ADRM1: variants seen among roughly 807,000 people sequenced by gnomAD.
ADRM1 encodes the protein ADRM1 26S proteasome ubiquitin receptor.
In ADRM1, 2 loss-of-function variants were observed where a neutral mutation model predicts 40.1. That is an observed-to-expected ratio of 0.05 (90% CI 0.02 to 0.16). The LOEUF (loss-of-function observed/expected upper bound fraction) is 0.16, where lower values mean the gene tolerates loss of function less well. ADRM1 is among the 10% of genes least tolerant of loss of function. The pLI is 1.00. For missense variants in ADRM1, 467 were observed against 552.5 expected (o/e 0.85, Z 1.55); for synonymous variants, 287 against 240.4 (o/e 1.19, Z -1.79).
chr20:62,308,531 C>T, intron 9 of ADRM1, 61 bp downstream of exon 9: 1 of 1,561,472 alleles, frequency 6.4e-7, no homozygotes. Flanking sequence ...TCCTGTCCCC[C>T]TGGATCTGCA....
chr20:62,304,414 A>G, intron 2 of ADRM1, 47 bp from the exon 3 acceptor site: 1 of 1,528,000 alleles, frequency 6.5e-7, no homozygotes, highest in Non-Finnish European at 9.0e-7. Flanking sequence ...GACTGGGCAC[A>G]GTGATGCCAT....
At position 62,304,510 on chromosome 20, in the gene ADRM1, G is replaced by C. The variant is rs1984602085; in HGVS notation, c.263G>C (p.Cys88Ser). ...DDCEFKRVPQ[C>S]PSGRVYVLKF... ...TGTGAGTTCAAGCGGGTGCCGCAGTGCCCCAGCGGGAGGGTCTACGTGCTG... is the reference window on the plus strand; with the variant it reads ...TGTGAGTTCAAGCGGGTGCCGCAGTCCCCCAGCGGGAGGGTCTACGTGCTG... Residue 88 changes from cysteine (C) to serine (S), a missense_variant, in exon 3 of 10, where the codon TGC becomes TCC. By Grantham distance (112) the Cys-to-Ser change is moderately radical (BLOSUM62 -1). Transcript: ENST00000253003. 1 of 1,613,874 alleles carries C rather than the reference G, an allele frequency of 6.2e-7. No individual in the cohort carries two copies. Among genetic ancestry groups the C allele is most frequent in the Non-Finnish European group, 8.5e-7 (1 of 1,179,980 alleles).
In ADRM1 at chr20:62,307,597, T is replaced by G. The variant is rs757693325; in HGVS notation, c.625T>G (p.Ser209Ala). The change falls in exon 7 of 10, where the codon TCC becomes GCC. Residue 209 changes from serine to alanine, a missense_variant and splice_region_variant. This residue lies in a region of ADRM1 where 418 missense variants were observed against 474.6 expected (regional missense o/e 0.88). Coordinates refer to ENST00000253003, the MANE Select transcript of ADRM1 (RefSeq NM_007002.4). Reference protein sequence around the residue: ...GPPGSSSSSSSRSQSAAVTPS... With the variant: ...GPPGSSSSSSARSQSAAVTPS... The stretch of plus-strand genomic sequence containing the variant: ...CAGCGGTGCCCTCTCTCTTCGCAGC[T>G]CCCGGAGCCAGTCGGCAGCGGTCAC... 6.2e-7 allele frequency: 1 copy of G among 1,610,102 alleles called. No homozygotes were observed. Among genetic ancestry groups the G allele is most frequent in the South Asian group, 1.1e-5 (1 of 90,956 alleles).
At chr20:62,308,281 C>T in intron 8 of ADRM1, 87 bp from the exon 9 acceptor site, 1 of 1,536,722 alleles carries the variant, frequency 6.5e-7, no homozygotes, top group Middle Eastern at 2.2e-4. Flanking sequence ...GCTTCATGTG[C>T]CTGACCCGCA....
At chr20:62,303,853 G>C (rs1984487163) in intron 2 of ADRM1, 72 bp downstream of exon 2, 2 of 1,499,880 alleles carry the variant, frequency 1.3e-6, no homozygotes, top group East Asian at 2.3e-5. Flanking sequence ...TTTGGAGTTC[G>C]CGGTGGGGGC....
At position 62,306,838 on chromosome 20, in the gene ADRM1, G is replaced by C. The variant is rs1477031481; in HGVS notation, c.541+104G>C. The C allele has an allele frequency of 2.6e-6, 3 of 1,152,462 alleles. No individual in the cohort carries two copies. The African/African-American group carries it at 4.7e-5, about 18-fold the overall frequency. The allele number at this position is 1,152,462 out of a possible 1,614,324, so 71.4% of individuals were successfully genotyped here. The stretch of plus-strand genomic sequence containing the variant: ...CTGCTGGCTCTGTCTGCGTAGTGTC[G>C]GGGAGCCTGTGTGTCCGCAAGCTGG... On this transcript the variant is annotated intron_variant, in intron 5 of 9. Transcript: ENST00000253003.
At chr20:62,307,231 C>T in intron 5 of ADRM1, 140 bp from the exon 6 acceptor site, 1 of 794,404 alleles carries the variant, frequency 1.3e-6, no homozygotes, top group East Asian at 2.7e-5. Flanking sequence ...CGCCGCTCCT[C>T]CAGGCCTGTG....
In ADRM1 at chr20:62,308,779, G is replaced by A. The variant is rs974542780; in HGVS notation, c.*18G>A. ...TGGACTGAGCCACGCGCCGTCCTCC[G>A]AGGAACTGGGCGCTTGCAGTGCGTT... On this transcript the variant is annotated 3_prime_UTR_variant, in exon 10 of 10. Transcript: ENST00000253003. 19 of 1,612,026 alleles carry A rather than the reference G, an allele frequency of 1.2e-5. No homozygotes were observed. The highest frequency in any genetic ancestry group is 2.2e-5 in the South Asian group (2 of 90,952).
At chr20:62,306,434 A>C (rs771986678) in intron 4 of ADRM1, 114 bp downstream of exon 4, 2 of 1,556,482 alleles carry the variant, frequency 1.3e-6, no homozygotes, top group Non-Finnish European at 1.8e-6. Flanking sequence ...AAGATTCTAA[A>C]AGTTAGAGAC....
chr20:62,303,742 C>T lies in ADRM1; in HGVS notation c.174C>T (p.His58=), dbSNP rs373604979. 106 of 1,612,050 alleles carry T rather than the reference C, an allele frequency of 6.6e-5. No individual in the cohort carries two copies. The South Asian group carries it at 7.2e-4, about 11-fold the overall frequency. The change falls in exon 2 of 10, where the codon CAC becomes CAT. Residue 58 remains histidine (H), a synonymous_variant. Coordinates refer to ENST00000253003, the MANE Select transcript of ADRM1 (RefSeq NM_007002.4). The part of the protein sequence containing the change: ...YIQQTDDSLI[H]FCWKDRTSGN... ...AGCAGACGGACGACTCGCTTATTCA[C>T]TTCTGCTGGAAGGACAGGACGTCCG... is the stretch of plus-strand genomic sequence containing the variant.
chr20:62,303,863 C>T, intron 2 of ADRM1, 82 bp downstream of exon 2: 2 of 1,429,960 alleles, frequency 1.4e-6, no homozygotes, highest in Non-Finnish European at 1.9e-6. Flanking sequence ...GCGGTGGGGG[C>T]TTGGCCGCAT....
In ADRM1 at chr20:62,306,644, C is replaced by G. The variant is rs1257006076; in HGVS notation, c.455-4C>G. ...AGGCCCGCCTGAGCTGCAGTGTTTT[C>G]CAGGTGAGGGTGGCCTGCAGAGCCT... is the stretch of plus-strand genomic sequence containing the variant. On this transcript the variant is annotated splice_region_variant and splice_polypyrimidine_tract_variant and intron_variant, in intron 4 of 9. Coordinates refer to ENST00000253003, the MANE Select transcript of ADRM1 (RefSeq NM_007002.4). The G allele has an allele frequency of 6.2e-7, 1 of 1,605,732 alleles. No homozygotes were observed.
rs1174017925 is a variant in ADRM1 at position 62,307,580 on chromosome 20, C to T, written c.624-16C>T. On this transcript the variant is annotated splice_polypyrimidine_tract_variant and intron_variant, in intron 6 of 9. Coordinates refer to ENST00000253003, the MANE Select transcript of ADRM1 (RefSeq NM_007002.4). Reference sequence around the variant, plus strand: ...GTGGGGCGTGTCCGCTCCAGCGGTGCCCTCTCTCTTCGCAGCTCCCGGAGC... The same window carrying T: ...GTGGGGCGTGTCCGCTCCAGCGGTGTCCTCTCTCTTCGCAGCTCCCGGAGC... 1.2e-6 allele frequency: 2 copies of T among 1,607,886 alleles called. No individual in the cohort carries two copies. The highest frequency in any genetic ancestry group is 2.2e-5 in the East Asian group (1 of 44,816).
intron 8 of ADRM1, 74 bp from the exon 9 acceptor site, chr20:62,308,294 G>C (rs963101455): frequency 1.9e-6 from 3 of 1,541,452 alleles, no homozygotes; most frequent in Non-Finnish European, 2.6e-6. Context: ...GACCCGCAGA[G>C]CTGGCAGCTG....
In ADRM1 at chr20:62,308,841, A is replaced by AGTC. The variant is rs1985617559; in HGVS notation, c.*81_*83dup. On this transcript the variant is annotated 3_prime_UTR_variant, in exon 10 of 10. Coordinates refer to ENST00000253003, the MANE Select transcript of ADRM1 (RefSeq NM_007002.4). ...CCTCCCACCCACTGATTATTAATAA[A>AGTC]GTCTTTTCTTTTACCTGCCAATGCT... 1 of 1,544,864 alleles carries AGTC rather than the reference A, an allele frequency of 6.5e-7. No individual in the cohort carries two copies. Among genetic ancestry groups the AGTC allele is most frequent in the Non-Finnish European group, 8.7e-7 (1 of 1,147,764 alleles).
chr20:62,304,227 C>G (rs923343012), intron 2 of ADRM1: 2 of 549,696 alleles, frequency 3.6e-6, no homozygotes, highest in African/African-American at 1.9e-5. Flanking sequence ...CTCAGAAACC[C>G]CGTTGCCATC....
Position 62,307,412 on chromosome 20 carries a change from C to T in ADRM1, c.583C>T (p.Leu195=). 1 of 1,606,034 alleles carries T rather than the reference C, an allele frequency of 6.2e-7. No individual in the cohort carries two copies. Among genetic ancestry groups the T allele is most frequent in the Non-Finnish European group, 8.5e-7 (1 of 1,178,262 alleles). ...GACTGGACCTGGCCTGGCCAGCTTA[C>T]TGGGGAGCAGTGGGCCTCCAGGGAG... is the stretch of plus-strand genomic sequence containing the variant. ...ALTGPGLASL[L]GSSGPPGSSS... The change falls in exon 6 of 10, where the codon CTG becomes TTG. Residue 195 remains leucine (L), a synonymous_variant. Coordinates refer to ENST00000253003, the MANE Select transcript of ADRM1 (RefSeq NM_007002.4).
intron 5 of ADRM1, 136 bp from the exon 6 acceptor site, chr20:62,307,235 G>T (rs760219289): frequency 3.1e-4 from 252 of 819,740 alleles, no homozygotes; most frequent in Non-Finnish European, 4.1e-4. Flanking sequence ...GCTCCTCCAG[G>T]CCTGTGGGTC....
At chr20:62,303,212 G>A (rs1053551518) in intron 1 of ADRM1, 163 bp downstream of exon 1, 1 of 167,424 alleles carries the variant, frequency 6.0e-6, no homozygotes. Flanking sequence ...GGTCTCGGGC[G>A]CCGCCCCGGT....
Sources: gnomAD v4.1 joint callset for allele counts on GRCh38, gnomAD v4.1.1 for gene constraint, gnomAD v4.1.1 regional missense constraint, MANE v1.5 for transcripts, NCBI Gene and HGNC (gene_info 2026-07-23, HGNC 2026-07-21) for gene names.